Variants in ZNF682 observed in about 807,000 individuals in gnomAD.
ZNF682 encodes the protein zinc finger protein 682.
Under a neutral mutation model 36.5 loss-of-function variants are expected in ZNF682, and 29 were observed. The observed-to-expected ratio is 0.80, with a 90% confidence interval of 0.59 to 1.08. The LOEUF is 1.08. Among genes scored for constraint, ZNF682 ranks in the 50% least tolerant of loss-of-function variants. The pLI is 0.00. For missense variants in ZNF682, 561 were observed against 579.7 expected, an observed-to-expected ratio of 0.97 and a Z score of 0.33; for synonymous variants, 180 against 197.0, an observed-to-expected ratio of 0.91 and a Z score of 0.72.
chr19:20,037,771 T>A (rs1390408928), intron 1 of ZNF682, among the ~76,000 whole-genome samples: 1 of 152,102 alleles, frequency 6.6e-6, no homozygotes, highest in African/African-American at 2.4e-5. Flanking sequence ...TCTGAGAAAA[T>A]TTTCTCCTCA....
chr19:20,020,639 A>G (rs949426181), intron 3 of ZNF682, among the ~76,000 whole-genome samples: 2 of 152,232 alleles, frequency 1.3e-5, no homozygotes, highest in African/African-American at 2.4e-5. Context: ...CACAATTGCC[A>G]AGACATGAAA....
At chr19:20,002,293 C>T (rs925885572), downstream of ZNF682, among the ~76,000 whole-genome samples, 6 of 150,534 alleles carry the variant, frequency 4.0e-5, no homozygotes, top group Non-Finnish European at 8.9e-5. Flanking sequence ...CAGGGTTTCA[C>T]CATGTTGACC....
intron 3 of ZNF682, among the ~76,000 whole-genome samples, chr19:20,008,464 T>G (rs1284620357): frequency 6.6e-6 from 1 of 152,200 alleles, no homozygotes; most frequent in Non-Finnish European, 1.5e-5. Context: ...CTAAAAATCC[T>G]GGGCTGCAGG....
chr19:20,032,509 A>T (rs890796037), intron 1 of ZNF682, among the ~76,000 whole-genome samples: 12 of 152,174 alleles, frequency 7.9e-5, no homozygotes, highest in Non-Finnish European at 1.2e-4. Flanking sequence ...GGTTTGCACA[A>T]TTGTGGGTTG....
chr19:20,025,116 G>T (rs565528062), intron 1 of ZNF682, among the ~76,000 whole-genome samples: 5 of 152,110 alleles, frequency 3.3e-5, no homozygotes, highest in Admixed American at 1.3e-4. Context: ...TGATACCAAG[G>T]CATCCGAATC....
chr19:20,015,928 A>T (rs1216226744), intron 3 of ZNF682: 1 of 393,602 alleles, frequency 2.5e-6, no homozygotes, highest in South Asian at 1.3e-4. Flanking sequence ...CTGATTATGA[A>T]TTAGGAATAA....
At chr19:20,002,780 G>T (rs552549801), downstream of ZNF682, among the ~76,000 whole-genome samples, 189 of 152,188 alleles carry the variant, frequency 1.2e-3, 2 homozygotes, top group African/African-American at 4.4e-3. Flanking sequence ...ATGTAGAGAC[G>T]TAAGAGTTGA....
chr19:19,999,622 T>C (rs2088151890), downstream of ZNF682, among the ~76,000 whole-genome samples: 1 of 152,068 alleles, frequency 6.6e-6, no homozygotes, highest in African/African-American at 2.4e-5. Flanking sequence ...GCAACCTCTG[T>C]CTCCTGGGCT....
At chr19:20,038,561 T>G (rs1203235082) in intron 1 of ZNF682, among the ~76,000 whole-genome samples, 1 of 147,018 alleles carries the variant, frequency 6.8e-6, no homozygotes, top group Non-Finnish European at 1.5e-5. Context: ...GAGTGTTAAA[T>G]AAATAGCAGG....
At chr19:20,036,670 T>A (rs913695771) in intron 1 of ZNF682, among the ~76,000 whole-genome samples, 1 of 142,706 alleles carries the variant, frequency 7.0e-6, no homozygotes, top group Non-Finnish European at 1.5e-5. Context: ...AAAAGGTACA[T>A]ATAAAAGTTT....
At chr19:20,013,810 C>A (rs1474325656) in intron 3 of ZNF682, among the ~76,000 whole-genome samples, 1 of 152,324 alleles carries the variant, frequency 6.6e-6, no homozygotes, top group East Asian at 1.9e-4. Context: ...AAACTCCCGA[C>A]TTCAGGTGAT....
At chr19:20,021,501 A>AAAC (rs199936402) in intron 3 of ZNF682, among the ~76,000 whole-genome samples, 4,315 of 152,258 alleles carry the variant, frequency 0.028, 99 homozygotes, top group Middle Eastern at 0.041. Context: ...AGAAAACAAA[A>AAAC]AACAACAACA....
At chr19:20,039,312 C>A (rs756369998) in intron 1 of ZNF682, 31 bp downstream of exon 1, 3 of 1,611,582 alleles carry the variant, frequency 1.9e-6, no homozygotes, top group African/African-American at 1.3e-5. Context: ...GCCCTGCCCC[C>A]ACCTCGGGAT....
Position 20,022,856 on chromosome 19 carries a change from C to A in ZNF682, c.226+148G>T, listed in dbSNP as rs2088398017. 7.4e-6 allele frequency: 5 copies of A among 678,020 alleles called. No homozygotes were observed. In the Admixed American group the frequency reaches 1.0e-4, roughly 14 times the overall value. 42.0% of individuals were successfully genotyped at this position (678,020 alleles called of 1,614,324 possible). On this transcript the variant is annotated intron_variant, in intron 3 of 3. Coordinates refer to ENST00000397165, the MANE Select transcript of ZNF682 (RefSeq NM_033196.3). ...ATTTAGGAGCATTAGACAGAAGATG[C>A]CTCTGTACAAGAGCAAGAATAAACA...
intron 2 of ZNF682, among the ~76,000 whole-genome samples, chr19:20,024,002 T>A (rs2088410123): frequency 6.6e-6 from 1 of 151,488 alleles, no homozygotes; most frequent in Non-Finnish European, 1.5e-5. Flanking sequence ...TAAAATAAAA[T>A]AAAAAAATAG....
chr19:19,999,543 T>C (rs369620327), downstream of ZNF682, among the ~76,000 whole-genome samples: 7 of 152,080 alleles, frequency 4.6e-5, no homozygotes, highest in African/African-American at 1.7e-4. Flanking sequence ...TTCTTTCTTT[T>C]TTTTTTTTCT....
downstream of ZNF682, among the ~76,000 whole-genome samples, chr19:20,002,779 C>T (rs539270496): frequency 3.3e-5 from 5 of 152,042 alleles, no homozygotes; most frequent in East Asian, 5.8e-4. Flanking sequence ...GATGTAGAGA[C>T]GTAAGAGTTG....
chr19:20,019,614 A>G (rs2122351465), intron 3 of ZNF682, among the ~76,000 whole-genome samples: 1 of 152,306 alleles, frequency 6.6e-6, no homozygotes, highest in South Asian at 2.1e-4. Context: ...CATACAAATC[A>G]AAGGCAAAAA....
At chr19:20,028,452 T>TC (rs2088451613) in intron 1 of ZNF682, among the ~76,000 whole-genome samples, 1 of 152,134 alleles carries the variant, frequency 6.6e-6, no homozygotes. Flanking sequence ...CCTCAGGTGA[T>TC]CCGCCCTTCT....
Sources: allele counts gnomAD v4.1 joint callset (sites outside exome capture counted in the v4.1 genomes callset), GRCh38; gene constraint gnomAD v4.1.1; transcripts MANE v1.5; gene names NCBI Gene and HGNC (gene_info 2026-07-23, HGNC 2026-07-21).